The following MARCHF5 variants were observed in gnomAD, a reference collection of about 807,000 sequenced individuals.
The protein encoded by MARCHF5 is membrane associated ring-CH-type finger 5.
A neutral mutation model predicts 36.5 loss-of-function variants in MARCHF5; 5 were observed. The observed-to-expected ratio is 0.14, with a 90% CI of 0.07 to 0.29. MARCHF5 has a LOEUF of 0.29. Ranked by LOEUF, MARCHF5 falls within the 10% of genes least tolerant of loss-of-function variation. The pLI, the probability that MARCHF5 is intolerant of heterozygous loss-of-function variation, is 1.00. For synonymous variants in MARCHF5, 103 were observed against 109.9 expected (o/e 0.94, Z 0.39); for missense variants, 179 against 336.3 (o/e 0.53, Z 3.66).
At chr10:92,336,854 G>A (rs964809928) in intron 2 of MARCHF5, among the ~76,000 whole-genome samples, 3 of 152,214 alleles carry the variant, frequency 2.0e-5, no homozygotes, top group African/African-American at 4.8e-5. Flanking sequence ...TTGGCCCAGT[G>A]GCTCACTGCT....
chr10:92,302,336 G>A (rs1843025220), intron 1 of MARCHF5, among the ~76,000 whole-genome samples: 1 of 152,118 alleles, frequency 6.6e-6, no homozygotes, highest in Admixed American at 6.6e-5. Context: ...TAGGATGAAC[G>A]GACATATTAG....
rs1225840164 is a variant in MARCHF5 at position 92,291,534 on chromosome 10, G to A, written c.35+5G>A. ...CCTACAGCAGATGCTGGACAGGTACGGGCAGCTGTGGGGGGGACCGGGAGC... is the reference window on the plus strand; with the variant it reads ...CCTACAGCAGATGCTGGACAGGTACAGGCAGCTGTGGGGGGGACCGGGAGC... On this transcript the variant is annotated splice_donor_5th_base_variant and intron_variant, in intron 1 of 5. Transcript: ENST00000358935. 1 of 1,541,862 alleles carries A rather than the reference G, an allele frequency of 6.5e-7. No homozygotes were observed. Among genetic ancestry groups the A allele is most frequent in the Admixed American group, 2.0e-5 (1 of 50,436 alleles).
chr10:92,320,107 G>A (rs1282262800), intron 2 of MARCHF5, among the ~76,000 whole-genome samples: 1 of 151,554 alleles, frequency 6.6e-6, no homozygotes, highest in East Asian at 1.9e-4. Context: ...AGGCTGGAGT[G>A]CAGTGTCATG....
At chr10:92,315,325 A>T (rs898660242) in intron 2 of MARCHF5, among the ~76,000 whole-genome samples, 4 of 152,234 alleles carry the variant, frequency 2.6e-5, no homozygotes, top group Non-Finnish European at 4.4e-5. Flanking sequence ...GTAATGTCCG[A>T]TAGTGTCATC....
chr10:92,301,973 A>G (rs1224999582), intron 1 of MARCHF5, among the ~76,000 whole-genome samples: 1 of 152,118 alleles, frequency 6.6e-6, no homozygotes, highest in South Asian at 2.1e-4. Flanking sequence ...AGGCAGGAGG[A>G]TCGCTTGAAC....
chr10:92,332,926 A>T (rs1843454631), intron 2 of MARCHF5, among the ~76,000 whole-genome samples: 1 of 151,956 alleles, frequency 6.6e-6, no homozygotes, highest in Non-Finnish European at 1.5e-5. Flanking sequence ...GCACTTTGGG[A>T]GGGCAAGGCG....
chr10:92,351,213 A>T lies in MARCHF5; in HGVS notation c.*6A>T. 6.4e-7 allele frequency: 1 copy of T among 1,552,014 alleles called. No individual in the cohort carries two copies. On this transcript the variant is annotated 3_prime_UTR_variant, in exon 6 of 6. Coordinates refer to ENST00000358935, the MANE Select transcript of MARCHF5 (RefSeq NM_017824.5). The stretch of plus-strand genomic sequence containing the variant: ...CAGAACAAGAAGAAGCATAAAACTG[A>T]CTTCTGGTTGTTCTGCAGTTCTCTC...
intron 2 of MARCHF5, among the ~76,000 whole-genome samples, chr10:92,327,486 T>C (rs1843379312): frequency 6.6e-6 from 1 of 152,202 alleles, no homozygotes; most frequent in Admixed American, 6.5e-5. Flanking sequence ...CTTTGGGAAG[T>C]AATTTTATGC....
chr10:92,349,255 G>T (rs1011745270), intron 3 of MARCHF5, 94 bp from the exon 4 acceptor site: 8 of 923,278 alleles, frequency 8.7e-6, no homozygotes, highest in Non-Finnish European at 1.3e-5. Flanking sequence ...GTATTCTTTT[G>T]AAATTAAGCA....
At chr10:92,340,559 G>C (rs1408404381) in intron 2 of MARCHF5, 114 bp from the exon 3 acceptor site, 1 of 976,582 alleles carries the variant, frequency 1.0e-6, no homozygotes, top group Non-Finnish European at 1.5e-6. Context: ...ATGACAAAGT[G>C]AGACCCTGTG....
At chr10:92,319,516 G>T (rs1324858405) in intron 2 of MARCHF5, among the ~76,000 whole-genome samples, 1 of 151,638 alleles carries the variant, frequency 6.6e-6, no homozygotes, top group South Asian at 2.1e-4. Context: ...GGATGGTCTC[G>T]ATCTCCTGAC....
At chr10:92,297,352 TG>T (rs1842958871) in intron 1 of MARCHF5, among the ~76,000 whole-genome samples, 1 of 151,664 alleles carries the variant, frequency 6.6e-6, no homozygotes, top group Non-Finnish European at 1.5e-5. Flanking sequence ...ATTTTTTTTG[TG>T]GAGATGGAGT....
intron 3 of MARCHF5, among the ~76,000 whole-genome samples, chr10:92,346,720 T>A (rs1157698592): frequency 2.6e-5 from 4 of 151,936 alleles, no homozygotes; most frequent in Non-Finnish European, 4.4e-5. Context: ...TGACCTCAGG[T>A]GATCCGCCTG....
chr10:92,334,354 C>A (rs550793381), intron 2 of MARCHF5: 1 of 152,184 alleles, frequency 6.6e-6, no homozygotes, highest in Non-Finnish European at 1.5e-5. Flanking sequence ...AGGAACTTAT[C>A]GTCTCAGAAA....
At chr10:92,308,184 G>A (rs770465707) in intron 1 of MARCHF5, among the ~76,000 whole-genome samples, 1 of 151,840 alleles carries the variant, frequency 6.6e-6, no homozygotes, top group Non-Finnish European at 1.5e-5. Context: ...CTCATAATCC[G>A]CCCTCCTCAG....
At chr10:92,324,818 A>AT (rs925836174) in intron 2 of MARCHF5, among the ~76,000 whole-genome samples, 93 of 148,666 alleles carry the variant, frequency 6.3e-4, no homozygotes, top group Admixed American at 8.7e-4. Flanking sequence ...TCTGTTACTG[A>AT]TTTTTTTTTT....
intron 2 of MARCHF5, among the ~76,000 whole-genome samples, chr10:92,324,486 C>T (rs537423947): frequency 5.9e-5 from 9 of 152,208 alleles, no homozygotes; most frequent in Admixed American, 2.6e-4. Flanking sequence ...CTCAGCCCCC[C>T]GAATAGCTGG....
intron 2 of MARCHF5, among the ~76,000 whole-genome samples, chr10:92,329,218 A>G (rs1246238414): frequency 1.3e-5 from 2 of 152,128 alleles, no homozygotes; most frequent in African/African-American, 4.8e-5. Flanking sequence ...CATTTTGTGT[A>G]TTCACCTGCA....
chr10:92,310,060 A>T (rs969542376), intron 1 of MARCHF5, among the ~76,000 whole-genome samples: 2 of 152,184 alleles, frequency 1.3e-5, no homozygotes, highest in African/African-American at 4.8e-5. Context: ...CTAATTGAAA[A>T]ATTGTAATTG....
Sources: gnomAD v4.1 joint callset for allele counts (sites outside exome capture counted in the v4.1 genomes callset) on GRCh38, gnomAD v4.1.1 for gene constraint, MANE v1.5 for transcripts, NCBI Gene and HGNC (gene_info 2026-07-23, HGNC 2026-07-21) for gene names.